Variants in LIMS1 observed in about 807,000 individuals in gnomAD.
LIMS1 encodes the protein LIM zinc finger domain containing 1, also known as LIM and senescent cell antigen-like-containing domain protein 1.
LIMS1 carries 18 observed loss-of-function variants against 44.1 expected under a neutral mutation model. That is an observed-to-expected ratio of 0.41 (90% CI 0.28 to 0.61). The LOEUF (loss-of-function observed/expected upper bound fraction) is 0.61. LIMS1 is among the 20% of genes least tolerant of loss of function. The pLI is 0.32. For missense variants in LIMS1, 201 were observed against 422.0 expected, an observed-to-expected ratio of 0.48 and a Z score of 4.59; for synonymous variants, 93 against 149.1, an observed-to-expected ratio of 0.62 and a Z score of 2.74.
intron 1 of LIMS1, among the ~76,000 whole-genome samples, chr2:108,589,684 T>C (rs1442048636): frequency 1.3e-5 from 2 of 152,166 alleles, no homozygotes; most frequent in African/African-American, 4.8e-5. Context: ...CTGCATCCCA[T>C]AAGTTTTAGT....
At chr2:108,670,579 T>C (rs1326879281) in intron 2 of LIMS1, among the ~76,000 whole-genome samples, 1 of 152,188 alleles carries the variant, frequency 6.6e-6, no homozygotes, top group African/African-American at 2.4e-5. Flanking sequence ...CCTCTACTTA[T>C]TCCATATGTC....
intron 1 of LIMS1, among the ~76,000 whole-genome samples, chr2:108,593,511 C>T (rs181971184): frequency 3.3e-5 from 5 of 152,310 alleles, no homozygotes; most frequent in Admixed American, 2.6e-4. Context: ...GGGACATAGA[C>T]ACAGAATGAT....
chr2:108,666,033 C>CTT (rs61260394), intron 2 of LIMS1, among the ~76,000 whole-genome samples: 121,826 of 147,340 alleles, frequency 0.83, 50,858 homozygotes, highest in East Asian at 0.99. Context: ...CGTGTGGGAA[C>CTT]TTCACCACAC....
chr2:108,652,955 A>G (rs1309973752), intron 1 of LIMS1, among the ~76,000 whole-genome samples: 2 of 152,186 alleles, frequency 1.3e-5, no homozygotes, highest in African/African-American at 4.8e-5. Context: ...ATATAGATAA[A>G]TTGAAAGGAA....
chr2:108,629,451 A>T (rs935016695), intron 1 of LIMS1, among the ~76,000 whole-genome samples: 3 of 152,258 alleles, frequency 2.0e-5, no homozygotes, highest in African/African-American at 7.2e-5. Context: ...AGGTTGGATT[A>T]TTTCAAAAAG....
chr2:108,597,011 C>T (rs1408916928), intron 1 of LIMS1, among the ~76,000 whole-genome samples: 3 of 137,684 alleles, frequency 2.2e-5, no homozygotes, highest in African/African-American at 5.4e-5. Context: ...TGGGTTCAAA[C>T]GATTCTCCTG....
chr2:108,679,625 A>C (rs1692812924), intron 8 of LIMS1, among the ~76,000 whole-genome samples: 1 of 152,144 alleles, frequency 6.6e-6, no homozygotes, highest in Non-Finnish European at 1.5e-5. Context: ...CTGTATACAT[A>C]AAGGTTGAGG....
At chr2:108,542,921 T>G (rs545458971) in intron 1 of LIMS1, among the ~76,000 whole-genome samples, 106 of 152,248 alleles carry the variant, frequency 7.0e-4, no homozygotes, top group Non-Finnish European at 1.4e-3. Flanking sequence ...ACACACAAAC[T>G]TCATTATTTT....
intron 1 of LIMS1, among the ~76,000 whole-genome samples, chr2:108,551,579 G>A (rs1684707164): frequency 7.2e-6 from 1 of 138,978 alleles, no homozygotes; most frequent in Non-Finnish European, 1.5e-5. Context: ...GATTGAAAAT[G>A]ATCCAAGGCA....
chr2:108,611,914 C>T (rs1256129231), intron 1 of LIMS1, among the ~76,000 whole-genome samples: 7 of 118,332 alleles, frequency 5.9e-5, no homozygotes, highest in South Asian at 2.7e-4. Flanking sequence ...AATATACACA[C>T]ATATAAAATA....
chr2:108,536,075 A>C (rs1684127461), intron 1 of LIMS1, among the ~76,000 whole-genome samples: 1 of 152,242 alleles, frequency 6.6e-6, no homozygotes, highest in African/African-American at 2.4e-5. Context: ...TGAGATATTA[A>C]GAATAACGGA....
intron 1 of LIMS1, among the ~76,000 whole-genome samples, chr2:108,549,451 T>C (rs1008092145): frequency 6.6e-6 from 1 of 151,860 alleles, no homozygotes; most frequent in African/African-American, 2.4e-5. Context: ...TGTACCACCA[T>C]GCCCAGCTAA....
intron 1 of LIMS1, among the ~76,000 whole-genome samples, chr2:108,643,436 A>G (rs1270809567): frequency 6.6e-6 from 1 of 152,110 alleles, no homozygotes; most frequent in Non-Finnish European, 1.5e-5. Flanking sequence ...GCCATTAGGG[A>G]CTGTACCATG....
chr2:108,557,954 AAAAC>A (rs961478219), intron 1 of LIMS1, among the ~76,000 whole-genome samples: 15 of 152,264 alleles, frequency 9.9e-5, no homozygotes, highest in Non-Finnish European at 1.8e-4. Context: ...TGATCTGTGA[AAAAC>A]AAAAGGCTGA....
At chr2:108,680,975 G>A (rs1692955283) in intron 9 of LIMS1, 5 of 1,288,590 alleles carry the variant, frequency 3.9e-6, no homozygotes, top group Non-Finnish European at 5.0e-6. Flanking sequence ...AAAGGGATAA[G>A]TTTGTTGAAA....
intron 1 of LIMS1, among the ~76,000 whole-genome samples, chr2:108,583,595 T>TA (rs1573371693): frequency 6.6e-6 from 1 of 152,236 alleles, no homozygotes; most frequent in East Asian, 1.9e-4. Flanking sequence ...GAGGAAAAGA[T>TA]ACGCAAGTGT....
In LIMS1 at chr2:108,659,723, G is replaced by A. The variant is rs145559017; in HGVS notation, c.151G>A (p.Ala51Thr). Residue 51 changes from alanine to threonine, a missense_variant, in exon 2 of 10, where the codon GCT becomes ACT. Around this residue, in one of 7 missense-constraint regions of LIMS1, gnomAD observed 101 missense variants for 215.2 expected, o/e 0.47. Transcript: ENST00000544547. ...GTACCATGAGCAGTGTTTCGTGTGCGCTCAGTGCTTCCAGCAGTTCCCAGA... is the reference window on the plus strand; with the variant it reads ...GTACCATGAGCAGTGTTTCGTGTGCACTCAGTGCTTCCAGCAGTTCCCAGA... 1,463 of 1,612,382 alleles carry A rather than the reference G, an allele frequency of 9.1e-4. 2 individuals are homozygous for A. Among genetic ancestry groups the A allele is most frequent in the Non-Finnish European group, 1.0e-3 (1,190 of 1,179,816 alleles).
At chr2:108,640,985 G>C (rs1373997011) in intron 1 of LIMS1, among the ~76,000 whole-genome samples, 1 of 151,984 alleles carries the variant, frequency 6.6e-6, no homozygotes, top group Non-Finnish European at 1.5e-5. Flanking sequence ...TTCTAATTCT[G>C]TGAGTTCAAT....
In LIMS1 at chr2:108,551,501, AC is replaced by A. The variant is rs1684702421; in HGVS notation, c.32+16908del. Among the ~76,000 whole-genome samples, 7 of 139,400 alleles carry A rather than the reference AC, an allele frequency of 5.0e-5. No homozygotes were observed. In the South Asian group the frequency reaches 1.3e-3, roughly 26 times the overall value. 91.5% of individuals were successfully genotyped at this position (139,400 alleles called of 152,430 possible). A position where few individuals can be genotyped will look rare whatever the true frequency, so the allele number is the denominator to read the frequency against. On this transcript the variant is annotated intron_variant, in intron 1 of 9. Transcript: ENST00000544547. ...TATATGCGCGCGCGCGCACACACAC[AC>A]ACACACACACACACACACACACACA... is the stretch of plus-strand genomic sequence containing the variant.
Sources: gnomAD v4.1 joint callset for allele counts (sites outside exome capture counted in the v4.1 genomes callset) on GRCh38, gnomAD v4.1.1 for gene constraint, gnomAD v4.1.1 regional missense constraint, MANE v1.5 for transcripts, NCBI Gene and HGNC (gene_info 2026-07-23, HGNC 2026-07-21) for gene names.